Variants in KCNH5 observed in about 807,000 individuals in gnomAD.
The protein encoded by KCNH5 is potassium voltage-gated channel subfamily H member 5.
In KCNH5, 46 loss-of-function variants were observed where a neutral mutation model predicts 96.1. The observed-to-expected ratio is 0.48, with a 90% CI of 0.38 to 0.61. The LOEUF is 0.61. Among genes scored for constraint, KCNH5 ranks in the 20% least tolerant of loss-of-function variants. KCNH5 has a pLI of 0.00. For synonymous variants in KCNH5, 439 were observed against 449.8 expected (o/e 0.98, Z 0.30); for missense variants, 907 against 1,225.8 (o/e 0.74, Z 3.88).
At chr14:62,797,048 G>A (rs1409124807) in intron 9 of KCNH5, among the ~76,000 whole-genome samples, 1 of 152,018 alleles carries the variant, frequency 6.6e-6, no homozygotes, top group Non-Finnish European at 1.5e-5. Flanking sequence ...AGTGATCTTG[G>A]GGGCCCAAGA....
intron 4 of KCNH5, among the ~76,000 whole-genome samples, chr14:62,997,110 G>C (rs114603394): frequency 3.3e-5 from 5 of 152,090 alleles, no homozygotes; most frequent in Non-Finnish European, 7.4e-5. Context: ...ATACAGGCAC[G>C]CAATGCGTTA....
chr14:62,880,219 A>G (rs1490456913), intron 7 of KCNH5, among the ~76,000 whole-genome samples: 1 of 152,184 alleles, frequency 6.6e-6, no homozygotes, highest in Non-Finnish European at 1.5e-5. Flanking sequence ...TTTCTATGGA[A>G]TAGACAGTGG....
intron 10 of KCNH5, among the ~76,000 whole-genome samples, chr14:62,762,653 A>G (rs1181214876): frequency 6.6e-6 from 1 of 152,160 alleles, no homozygotes; most frequent in African/African-American, 2.4e-5. Flanking sequence ...ACATGCAATG[A>G]CATCCACAGG....
chr14:62,808,991 C>T (rs1179166346), intron 8 of KCNH5, among the ~76,000 whole-genome samples: 1 of 152,094 alleles, frequency 6.6e-6, no homozygotes, highest in Non-Finnish European at 1.5e-5. Flanking sequence ...TCATGAAGAG[C>T]TGGAACGTTC....
chr14:62,928,502 A>G (rs1463992140), intron 7 of KCNH5, among the ~76,000 whole-genome samples: 1 of 152,106 alleles, frequency 6.6e-6, no homozygotes, highest in East Asian at 1.9e-4. Context: ...GAATTAATTT[A>G]TCGGGTTTTC....
chr14:62,868,998 C>T (rs188384234), intron 7 of KCNH5, among the ~76,000 whole-genome samples: 83 of 152,324 alleles, frequency 5.4e-4, no homozygotes, highest in African/African-American at 1.8e-3. Context: ...AATAAACATA[C>T]GTGTGCATGT....
intron 10 of KCNH5, among the ~76,000 whole-genome samples, chr14:62,728,108 T>G (rs563737039): frequency 6.6e-6 from 1 of 151,468 alleles, no homozygotes; most frequent in South Asian, 2.1e-4. Flanking sequence ...TGGTGGGGTG[T>G]GGTGGCTCAC....
intron 7 of KCNH5, among the ~76,000 whole-genome samples, chr14:62,878,539 C>T (rs560730679): frequency 3.3e-5 from 5 of 151,534 alleles, no homozygotes; most frequent in East Asian, 1.9e-4. Context: ...CAGTCTGAGG[C>T]GAGGAGGGCA....
intron 1 of KCNH5, among the ~76,000 whole-genome samples, chr14:63,023,542 A>G (rs1341324522): frequency 6.6e-6 from 1 of 152,196 alleles, no homozygotes; most frequent in African/African-American, 2.4e-5. Context: ...TTTCAATATA[A>G]TCATCCAGAC....
At chr14:62,975,568 G>GAAGT (rs1186864050) in intron 6 of KCNH5, among the ~76,000 whole-genome samples, 1 of 152,030 alleles carries the variant, frequency 6.6e-6, no homozygotes, top group Non-Finnish European at 1.5e-5. Flanking sequence ...AAGGGGAACA[G>GAAGT]AAGTCCTTGA....
intron 7 of KCNH5, among the ~76,000 whole-genome samples, chr14:62,918,200 G>A (rs756994919): frequency 6.6e-6 from 1 of 152,106 alleles, no homozygotes; most frequent in Non-Finnish European, 1.5e-5. Flanking sequence ...GTTTGTGGGA[G>A]CTCTTAGTAA....
chr14:62,814,782 C>CAAAAAGAA (rs772584111), intron 8 of KCNH5, among the ~76,000 whole-genome samples: 1 of 33,750 alleles, frequency 3.0e-5, no homozygotes, highest in African/African-American at 1.5e-4. Context: ...GACTCCATCT[C>CAAAAAGAA]AAAAAAAAAA....
intron 2 of KCNH5, among the ~76,000 whole-genome samples, chr14:63,010,057 T>C (rs1891197131): frequency 1.3e-5 from 2 of 152,178 alleles, no homozygotes; most frequent in African/African-American, 4.8e-5. Context: ...TCCTTGGTAA[T>C]TATAAATGAA....
chr14:62,960,341 TATC>T (rs904215090), intron 6 of KCNH5, among the ~76,000 whole-genome samples: 4 of 152,182 alleles, frequency 2.6e-5, no homozygotes, highest in African/African-American at 9.6e-5. Context: ...TGTGCATGTG[TATC>T]ATGTTTTGCT....
At chr14:62,757,671 G>T (rs754753849) in intron 10 of KCNH5, among the ~76,000 whole-genome samples, 2 of 151,370 alleles carry the variant, frequency 1.3e-5, no homozygotes, top group Non-Finnish European at 2.9e-5. Flanking sequence ...GATAGAAGAG[G>T]AACTCATTAT....
intron 7 of KCNH5, among the ~76,000 whole-genome samples, chr14:62,878,096 CA>C (rs1292447225): frequency 1.5e-5 from 2 of 136,848 alleles, no homozygotes; most frequent in Non-Finnish European, 3.0e-5. Context: ...ATCGCAAGGA[CA>C]AAAAACCAAA....
At chr14:62,730,790 A>C (rs1451509527) in intron 10 of KCNH5, among the ~76,000 whole-genome samples, 1 of 152,196 alleles carries the variant, frequency 6.6e-6, no homozygotes, top group Non-Finnish European at 1.5e-5. Flanking sequence ...TCCCATGCAA[A>C]GACACATATA....
intron 1 of KCNH5, among the ~76,000 whole-genome samples, chr14:63,030,017 G>T (rs969003356): frequency 5.3e-5 from 8 of 152,128 alleles, no homozygotes; most frequent in Non-Finnish European, 1.2e-4. Flanking sequence ...GAAAGTAAGA[G>T]GGTTTAGAAG....
At chr14:63,032,052 A>G (rs1891638523) in intron 1 of KCNH5, among the ~76,000 whole-genome samples, 1 of 151,392 alleles carries the variant, frequency 6.6e-6, no homozygotes. Context: ...ATTTTAGAGT[A>G]CTGAGGAACA....
Sources: gnomAD v4.1 joint callset for allele counts (sites outside exome capture counted in the v4.1 genomes callset) on GRCh38, gnomAD v4.1.1 for gene constraint, MANE v1.5 for transcripts, NCBI Gene and HGNC (gene_info 2026-07-23, HGNC 2026-07-21) for gene names.